The following GABBR2 variants were observed in gnomAD, a reference collection of about 807,000 sequenced individuals.
GABBR2 encodes the protein G-protein coupled receptor 51.
A neutral mutation model predicts 105.6 loss-of-function variants in GABBR2; 23 were observed. The observed-to-expected ratio is 0.22, with a 90% CI of 0.16 to 0.31. GABBR2 has a LOEUF of 0.31. Among genes scored for constraint, GABBR2 ranks in the 10% least tolerant of loss-of-function variants. The probability of loss-of-function intolerance (pLI) is 1.00; values close to 1 mark genes in which losing one functional copy is unlikely to be tolerated. For missense variants in GABBR2, 734 were observed against 1,245.5 expected (o/e 0.59, Z 6.18); for synonymous variants, 478 against 499.7 (o/e 0.96, Z 0.58).
chr9:98,290,617 T>C lies in GABBR2; in HGVS notation c.2793A>G (p.Pro931=). The C allele has an allele frequency of 7.0e-7, 1 of 1,426,290 alleles. No individual in the cohort carries two copies. Among genetic ancestry groups the C allele is most frequent in the Non-Finnish European group, 9.2e-7 (1 of 1,091,360 alleles). The allele number at this position is 1,426,290 out of a possible 1,614,324, so 88.4% of individuals were successfully genotyped here. A position where few individuals can be genotyped will look rare whatever the true frequency, so the allele number is the denominator to read the frequency against. The change falls in exon 19 of 19, where the codon CCA becomes CCG. Residue 931 remains proline (P), a synonymous_variant. Transcript: ENST00000259455. ...CCGAGACCATGACTCGGAAGGAGGGTGGCACATGTCTGTGGCGGGGGCTGG... is the reference window on the plus strand; with the variant it reads ...CCGAGACCATGACTCGGAAGGAGGGCGGCACATGTCTGTGGCGGGGGCTGG... ...PTASPRHRHV[P]PSFRVMVSGL
chr9:98,564,726 C>G (rs1352066059), intron 2 of GABBR2, among the ~76,000 whole-genome samples: 1 of 152,136 alleles, frequency 6.6e-6, no homozygotes, highest in African/African-American at 2.4e-5. Context: ...GAGGCAAGGC[C>G]CTTGGGGTAC....
intron 1 of GABBR2, among the ~76,000 whole-genome samples, chr9:98,696,143 A>G (rs1164456559): frequency 6.6e-6 from 1 of 152,224 alleles, no homozygotes; most frequent in Non-Finnish European, 1.5e-5. Context: ...AGAAAACGTG[A>G]TAGTGGATTT....
intron 1 of GABBR2, among the ~76,000 whole-genome samples, chr9:98,677,093 C>T (rs1360522701): frequency 1.3e-5 from 2 of 152,220 alleles, no homozygotes; most frequent in Non-Finnish European, 2.9e-5. Flanking sequence ...ACAGTGGTAG[C>T]ACTAAAGATG....
chr9:98,655,890 C>T (rs1031780778), intron 1 of GABBR2, among the ~76,000 whole-genome samples: 8 of 152,054 alleles, frequency 5.3e-5, no homozygotes, highest in Admixed American at 3.3e-4. Flanking sequence ...ATGTAGATCA[C>T]GGGTTGATGG....
At chr9:98,679,627 C>T (rs1452827081) in intron 1 of GABBR2, among the ~76,000 whole-genome samples, 1 of 152,216 alleles carries the variant, frequency 6.6e-6, no homozygotes, top group Admixed American at 6.5e-5. Context: ...AACAGCAGTA[C>T]CAGGAAGGCC....
chr9:98,510,802 A>T (rs1421981875), intron 3 of GABBR2, among the ~76,000 whole-genome samples: 2 of 152,090 alleles, frequency 1.3e-5, no homozygotes, highest in African/African-American at 4.8e-5. Flanking sequence ...AGAGAGTTAG[A>T]CTCCCACACA....
At chr9:98,661,345 G>T (rs1571926) in intron 1 of GABBR2, among the ~76,000 whole-genome samples, 141,515 of 152,250 alleles carry the variant, frequency 0.93, 65,903 homozygotes, top group African/African-American at 0.97. Flanking sequence ...TGCGCCTCGT[G>T]CCTTGGAGTG....
chr9:98,328,879 T>G (rs1830973363), intron 13 of GABBR2, among the ~76,000 whole-genome samples: 1 of 152,152 alleles, frequency 6.6e-6, no homozygotes, highest in African/African-American at 2.4e-5. Flanking sequence ...GCAAGGTGGT[T>G]AAAGGTGCCA....
chr9:98,484,598 A>G (rs920256637), intron 4 of GABBR2, among the ~76,000 whole-genome samples: 4 of 152,164 alleles, frequency 2.6e-5, no homozygotes, highest in Admixed American at 6.5e-5. Flanking sequence ...CTTGGGGGGC[A>G]CCATAGAGCA....
intron 2 of GABBR2, among the ~76,000 whole-genome samples, chr9:98,558,498 A>C (rs1205473191): frequency 6.6e-6 from 1 of 152,202 alleles, no homozygotes; most frequent in Non-Finnish European, 1.5e-5. Context: ...TCTTCATTTT[A>C]TACACAGAGG....
chr9:98,647,057 TA>T (rs1830035397), intron 1 of GABBR2, among the ~76,000 whole-genome samples: 1 of 152,182 alleles, frequency 6.6e-6, no homozygotes, highest in Admixed American at 6.5e-5. Flanking sequence ...CTGTTTGCAA[TA>T]TAAGAAAAAA....
chr9:98,347,293 C>G (rs1176381130), intron 13 of GABBR2, among the ~76,000 whole-genome samples: 1 of 152,148 alleles, frequency 6.6e-6, no homozygotes, highest in Non-Finnish European at 1.5e-5. Flanking sequence ...GAGATGATAC[C>G]TCACTGTGGT....
intron 13 of GABBR2, among the ~76,000 whole-genome samples, chr9:98,345,305 G>C (rs920539811): frequency 1.3e-5 from 2 of 152,138 alleles, no homozygotes; most frequent in African/African-American, 4.8e-5. Flanking sequence ...CCCCTGATGA[G>C]ATATCTTTAA....
At chr9:98,540,517 G>A (rs1418987183) in intron 3 of GABBR2, among the ~76,000 whole-genome samples, 2 of 152,204 alleles carry the variant, frequency 1.3e-5, no homozygotes, top group African/African-American at 4.8e-5. Flanking sequence ...CAGAAGGTAA[G>A]TGCAGAGCTG....
rs1829479271 is a variant in GABBR2 at position 98,609,771 on chromosome 9, A to G, written c.322-31699T>C. Among the ~76,000 whole-genome samples the G allele has an allele frequency of 2.0e-5, 3 of 152,202 alleles. No individual in the cohort carries two copies. The South Asian group carries it at 6.2e-4, about 32-fold the overall frequency. On this transcript the variant is annotated intron_variant, in intron 1 of 18. Transcript: ENST00000259455. ...TGGGTGCCAGTGGCACAGCCCTTAC[A>G]TCCTCAAAGTCTTTGTGATGCCCCG...
chr9:98,463,027 T>C (rs1826452496), intron 6 of GABBR2, among the ~76,000 whole-genome samples: 1 of 152,206 alleles, frequency 6.6e-6, no homozygotes, highest in African/African-American at 2.4e-5. Context: ...TAGCTGAGAC[T>C]ACAGGCATGT....
At chr9:98,379,383 C>T (rs1831932527) in intron 11 of GABBR2, among the ~76,000 whole-genome samples, 1 of 152,232 alleles carries the variant, frequency 6.6e-6, no homozygotes, top group South Asian at 2.1e-4. Flanking sequence ...ATTCTCCTGC[C>T]TCAGCCTCCT....
chr9:98,401,728 A>G (rs1298787743), intron 8 of GABBR2, among the ~76,000 whole-genome samples: 2 of 152,212 alleles, frequency 1.3e-5, no homozygotes, highest in African/African-American at 4.8e-5. Flanking sequence ...ATCAGCCTCA[A>G]GAGTCTCAAA....
intron 7 of GABBR2, among the ~76,000 whole-genome samples, chr9:98,447,060 C>CTTTTTTT (rs1564072366): frequency 8.6e-6 from 1 of 115,870 alleles, no homozygotes; most frequent in African/African-American, 3.7e-5. Context: ...CTAAAAAAGA[C>CTTTTTTT]TTCTTTTTTT....
Sources: allele counts gnomAD v4.1 joint callset (sites outside exome capture counted in the v4.1 genomes callset), GRCh38; gene constraint gnomAD v4.1.1; transcripts MANE v1.5; gene names NCBI Gene and HGNC (gene_info 2026-07-23, HGNC 2026-07-21).